ADAMTSL1: variants seen among roughly 807,000 people sequenced by gnomAD.
The protein encoded by ADAMTSL1 is ADAMTS like 1, also known as ADAMTS-like protein 1.
In ADAMTSL1, 126 loss-of-function variants were observed where a neutral mutation model predicts 201.8. The observed-to-expected ratio is 0.62, with a 90% CI of 0.54 to 0.72. ADAMTSL1 has a LOEUF of 0.72. Ranked by LOEUF, ADAMTSL1 falls within the 30% of genes least tolerant of loss-of-function variation. The pLI is 0.00. For synonymous variants in ADAMTSL1, 1,121 were observed against 903.4 expected (o/e 1.24, Z -4.32); for missense variants, 2,679 against 2,277.8 (o/e 1.18, Z -3.59).
intron 20 of ADAMTSL1, among the ~76,000 whole-genome samples, chr9:18,797,177 G>A (rs1397672835): frequency 6.6e-6 from 1 of 152,196 alleles, no homozygotes; most frequent in Non-Finnish European, 1.5e-5. Flanking sequence ...GGTGAAGTAT[G>A]ACTACAGACA....
chr9:18,608,109 T>G (rs1039057163), intron 4 of ADAMTSL1, among the ~76,000 whole-genome samples: 1 of 152,212 alleles, frequency 6.6e-6, no homozygotes, highest in African/African-American at 2.4e-5. Flanking sequence ...ATGCCTTTTC[T>G]TCTTTTCCCA....
chr9:18,094,014 C>T (rs1286046524), intron 1 of ADAMTSL1, among the ~76,000 whole-genome samples: 1 of 152,096 alleles, frequency 6.6e-6, no homozygotes, highest in Non-Finnish European at 1.5e-5. Flanking sequence ...GGGAGTTGAT[C>T]CATCATTTCA....
At chr9:18,194,300 A>C (rs1829086355) in intron 2 of ADAMTSL1, among the ~76,000 whole-genome samples, 1 of 152,160 alleles carries the variant, frequency 6.6e-6, no homozygotes, top group African/African-American at 2.4e-5. Context: ...ATTTACAGGC[A>C]GAAAGGAAGA....
chr9:18,718,503 G>T, intron 14 of ADAMTSL1: 2 of 561,670 alleles, frequency 3.6e-6, no homozygotes, highest in East Asian at 4.8e-5. Flanking sequence ...CCTGGGCCAA[G>T]AATGACTAGC....
intron 1 of ADAMTSL1, among the ~76,000 whole-genome samples, chr9:17,979,304 C>T (rs913997804): frequency 6.6e-6 from 1 of 151,894 alleles, no homozygotes; most frequent in Non-Finnish European, 1.5e-5. Context: ...CTTTAATGCA[C>T]ATATTTGTTC....
chr9:18,696,834 C>T (rs1587922847), intron 13 of ADAMTSL1, among the ~76,000 whole-genome samples: 1 of 149,230 alleles, frequency 6.7e-6, no homozygotes, highest in East Asian at 1.9e-4. Flanking sequence ...TCATAAGTCT[C>T]ATGAAAATAT....
At chr9:17,996,489 G>T (rs554057275) in intron 1 of ADAMTSL1, among the ~76,000 whole-genome samples, 53 of 152,180 alleles carry the variant, frequency 3.5e-4, no homozygotes, top group African/African-American at 1.3e-3. Context: ...GGTGAAGATT[G>T]AACACAGGGA....
In ADAMTSL1 at chr9:18,886,183, T is replaced by C. The variant is rs1422146077; in HGVS notation, c.4250-1648T>C. Among the ~76,000 whole-genome samples the C allele has an allele frequency of 2.0e-4, 24 of 121,170 alleles. 2 individuals carry two copies. In the East Asian group the frequency reaches 5.6e-3, roughly 28 times the overall value. 79.5% of individuals were successfully genotyped at this position (121,170 alleles called of 152,430 possible). ...GTGTATGTGTATATATATATATATATATATATATATATATATATATATATA... is the reference window on the plus strand; with the variant it reads ...GTGTATGTGTATATATATATATATACATATATATATATATATATATATATA... On this transcript the variant is annotated intron_variant, in intron 23 of 28. Transcript: ENST00000380548.
chr9:18,218,631 T>C (rs569219501), intron 2 of ADAMTSL1, among the ~76,000 whole-genome samples: 1 of 152,268 alleles, frequency 6.6e-6, no homozygotes, highest in South Asian at 2.1e-4. Context: ...GTTTTTATCT[T>C]ATTGATTTAT....
chr9:18,359,815 A>ACCCCCC (rs1563911410), intron 2 of ADAMTSL1, among the ~76,000 whole-genome samples: 2 of 46,878 alleles, frequency 4.3e-5, no homozygotes, highest in Non-Finnish European at 8.2e-5. Flanking sequence ...TTAATGCCCC[A>ACCCCCC]CCTCCCCACC....
At chr9:18,058,520 G>A (rs570203360) in intron 1 of ADAMTSL1, among the ~76,000 whole-genome samples, 1 of 152,156 alleles carries the variant, frequency 6.6e-6, no homozygotes, top group South Asian at 2.1e-4. Flanking sequence ...CATAAATATT[G>A]TGAGCATATT....
intron 23 of ADAMTSL1, among the ~76,000 whole-genome samples, chr9:18,833,761 C>T (rs966210091): frequency 3.3e-5 from 5 of 152,120 alleles, no homozygotes; most frequent in Admixed American, 2.6e-4. Context: ...GAAACCTTTG[C>T]CCATGCCTAT....
intron 2 of ADAMTSL1, among the ~76,000 whole-genome samples, chr9:18,393,293 T>C (rs1838127308): frequency 6.6e-6 from 1 of 152,208 alleles, no homozygotes; most frequent in Admixed American, 6.5e-5. Flanking sequence ...GCTGTTGCAT[T>C]CCACTTAATT....
intron 2 of ADAMTSL1, among the ~76,000 whole-genome samples, chr9:18,408,771 G>A (rs1170106629): frequency 1.1e-4 from 16 of 152,136 alleles, no homozygotes; most frequent in Non-Finnish European, 1.6e-4. Flanking sequence ...ATTACAGCAG[G>A]CATTTATTGG....
intron 1 of ADAMTSL1, among the ~76,000 whole-genome samples, chr9:17,952,797 G>C (rs1827779910): frequency 6.6e-6 from 1 of 152,134 alleles, no homozygotes; most frequent in Non-Finnish European, 1.5e-5. Context: ...AAAGTGCCGG[G>C]CTTACAGGCA....
chr9:18,043,820 G>A (rs1035133296), intron 1 of ADAMTSL1, among the ~76,000 whole-genome samples: 2 of 151,824 alleles, frequency 1.3e-5, no homozygotes, highest in East Asian at 1.9e-4. Context: ...TAGGTACAAT[G>A]TATAGGGAAG....
At chr9:18,097,230 T>C (rs1405576682) in intron 1 of ADAMTSL1, among the ~76,000 whole-genome samples, 1 of 152,250 alleles carries the variant, frequency 6.6e-6, no homozygotes. Flanking sequence ...GGATAACATT[T>C]TTGAATGTTG....
At chr9:17,951,611 A>C (rs1482326279) in intron 1 of ADAMTSL1, among the ~76,000 whole-genome samples, 2 of 147,572 alleles carry the variant, frequency 1.4e-5, no homozygotes, top group African/African-American at 2.5e-5. Context: ...GTGTTTTACT[A>C]TTCATAACCA....
intron 1 of ADAMTSL1, among the ~76,000 whole-genome samples, chr9:17,981,781 C>T (rs1470226293): frequency 1.3e-5 from 2 of 152,016 alleles, no homozygotes; most frequent in African/African-American, 2.4e-5. Flanking sequence ...CTTGCTTTAC[C>T]CCAGGACATC....
Sources: allele counts gnomAD v4.1 joint callset (sites outside exome capture counted in the v4.1 genomes callset), GRCh38; gene constraint gnomAD v4.1.1; transcripts MANE v1.5; gene names NCBI Gene and HGNC (gene_info 2026-07-23, HGNC 2026-07-21).